The following CDH13 variants were observed in gnomAD, a reference collection of about 807,000 sequenced individuals.
CDH13 encodes cadherin 13.
CDH13 carries 24 observed loss-of-function variants against 63.8 expected under a neutral mutation model. The ratio of observed to expected loss-of-function variants is 0.38; its 90% CI spans 0.27 to 0.53. CDH13 has a LOEUF of 0.53. Among genes scored for constraint, CDH13 ranks in the 20% least tolerant of loss-of-function variants. The pLI, the probability that CDH13 is intolerant of heterozygous loss-of-function variation, is 0.85. For missense variants in CDH13, 1,049 were observed against 903.1 expected (o/e 1.16, Z -2.07); for synonymous variants, 503 against 355.3 (o/e 1.42, Z -4.67).
At chr16:82,969,110 C>A (rs1049218824) in intron 2 of CDH13, among the ~76,000 whole-genome samples, 1 of 151,880 alleles carries the variant, frequency 6.6e-6, no homozygotes, top group East Asian at 1.9e-4. Context: ...CTCTCTCAAA[C>A]GAAAAAGAAA....
intron 5 of CDH13, among the ~76,000 whole-genome samples, chr16:83,294,630 G>A (rs1035262819): frequency 1.4e-5 from 2 of 140,606 alleles, no homozygotes; most frequent in African/African-American, 5.4e-5. Flanking sequence ...ATATATATAT[G>A]TGATATTCAT....
At position 83,797,260 on chromosome 16, in the gene CDH13, AG is replaced by A; in HGVS notation, c.*2231del. On this transcript the variant is annotated 3_prime_UTR_variant, in exon 14 of 14. Transcript: ENST00000567109. ...ATGTAAACTTCAGCCACATGCAGGG[AG>A]AAACACAGCAGCTGAGTGGCCATTC... 1 of 152,396 alleles carries A rather than the reference AG, an allele frequency of 6.6e-6. No homozygotes were observed. Among genetic ancestry groups the A allele is most frequent in the East Asian group, 1.9e-4 (1 of 5,198 alleles). 9.4% of individuals were successfully genotyped at this position (152,396 alleles called of 1,614,324 possible). A position where few individuals can be genotyped will look rare whatever the true frequency, so the allele number is the denominator to read the frequency against.
intron 2 of CDH13, among the ~76,000 whole-genome samples, chr16:82,869,070 G>C (rs549997678): frequency 2.0e-5 from 3 of 152,082 alleles, no homozygotes; most frequent in Non-Finnish European, 4.4e-5. Flanking sequence ...TATTTGAGAT[G>C]GAGTCTCTCC....
chr16:82,819,559 C>T (rs185161013), intron 1 of CDH13, among the ~76,000 whole-genome samples: 1 of 152,116 alleles, frequency 6.6e-6, no homozygotes, highest in South Asian at 2.1e-4. Context: ...TTCCCTACCT[C>T]TAGCCACACT....
intron 1 of CDH13, among the ~76,000 whole-genome samples, chr16:82,803,762 A>G (rs758711439): frequency 4.0e-5 from 6 of 150,318 alleles, no homozygotes; most frequent in African/African-American, 1.3e-4. Context: ...TATATGAGGT[A>G]TCTAAAATAG....
At chr16:82,887,162 C>G (rs183152912) in intron 2 of CDH13, among the ~76,000 whole-genome samples, 2 of 152,062 alleles carry the variant, frequency 1.3e-5, no homozygotes, top group Non-Finnish European at 2.9e-5. Context: ...TTATCTTCAC[C>G]AATGGTCTAG....
At chr16:83,160,279 G>A (rs2037390565) in intron 4 of CDH13, among the ~76,000 whole-genome samples, 1 of 152,004 alleles carries the variant, frequency 6.6e-6, no homozygotes, top group Admixed American at 6.6e-5. Flanking sequence ...GGCTACATGT[G>A]GAGGCAGGAG....
rs568349154 is a variant in CDH13 at position 82,835,907 on chromosome 16, C to G, written c.46-22455C>G. 9.9e-5 allele frequency among the ~76,000 whole-genome samples: 15 copies of G among 152,272 alleles called. No homozygotes were observed. The South Asian group carries it at 1.9e-3, about 19-fold the overall frequency. The stretch of plus-strand genomic sequence containing the variant: ...CACCAGGAAGTCTCTGCTACCAACA[C>G]CCCCAGGAGAAAACAGCTCCAGGCT... On this transcript the variant is annotated intron_variant, in intron 1 of 13. Transcript: ENST00000567109.
chr16:82,748,467 A>G (rs1300222450), intron 1 of CDH13, among the ~76,000 whole-genome samples: 2 of 152,182 alleles, frequency 1.3e-5, no homozygotes, highest in Non-Finnish European at 2.9e-5. Flanking sequence ...CAGCAGAAAG[A>G]AAATTCTTTT....
chr16:83,377,041 G>A lies in CDH13; in HGVS notation c.781+32035G>A, dbSNP rs138371600. Among the ~76,000 whole-genome samples, 145 of 152,230 alleles carry A rather than the reference G, an allele frequency of 9.5e-4. 1 individual carries two copies. In the East Asian group the frequency reaches 0.026, roughly 27 times the overall value. ...AGGAGGAGTGAAGCACTATTCATGG[G>A]AATAAAGGAGCTATATCAGAATTAG... On this transcript the variant is annotated intron_variant, in intron 6 of 13. Transcript: ENST00000567109.
intron 1 of CDH13, among the ~76,000 whole-genome samples, chr16:82,635,397 G>A (rs1331929815): frequency 2.0e-5 from 3 of 152,218 alleles, no homozygotes; most frequent in South Asian, 2.1e-4. Context: ...AGAAGGCACA[G>A]TCTGGGTGAA....
At chr16:83,361,310 T>A (rs1258046441) in intron 6 of CDH13, among the ~76,000 whole-genome samples, 1 of 152,242 alleles carries the variant, frequency 6.6e-6, no homozygotes, top group East Asian at 1.9e-4. Flanking sequence ...TTATTTAAGT[T>A]CCTTATAGAT....
chr16:83,747,113 G>A (rs982890560), intron 10 of CDH13, among the ~76,000 whole-genome samples: 7 of 152,250 alleles, frequency 4.6e-5, no homozygotes, highest in Admixed American at 2.0e-4. Flanking sequence ...TGTCGCATAT[G>A]GGCTAAGCAG....
chr16:83,097,438 A>G (rs1169412844), intron 3 of CDH13, among the ~76,000 whole-genome samples: 2 of 152,212 alleles, frequency 1.3e-5, no homozygotes, highest in African/African-American at 2.4e-5. Context: ...TGGTAAAGTC[A>G]CAGAATCAGT....
At chr16:83,079,092 GC>G (rs1435103255) in intron 3 of CDH13, among the ~76,000 whole-genome samples, 1 of 152,126 alleles carries the variant, frequency 6.6e-6, no homozygotes, top group Non-Finnish European at 1.5e-5. Flanking sequence ...ATTGTGCCCG[GC>G]CCAGGTTTTT....
chr16:83,555,285 C>T (rs2075580422), intron 7 of CDH13, among the ~76,000 whole-genome samples: 1 of 152,048 alleles, frequency 6.6e-6, no homozygotes, highest in Non-Finnish European at 1.5e-5. Flanking sequence ...CCTTGCTGCT[C>T]AAAGTACAGT....
chr16:83,127,177 G>C (rs2035848586), intron 4 of CDH13, among the ~76,000 whole-genome samples: 1 of 152,178 alleles, frequency 6.6e-6, no homozygotes, highest in Admixed American at 6.5e-5. Flanking sequence ...GGTTGCATGA[G>C]AGTAAGCAAG....
intron 7 of CDH13, among the ~76,000 whole-genome samples, chr16:83,502,204 A>C (rs1232418068): frequency 6.6e-6 from 1 of 152,190 alleles, no homozygotes. Flanking sequence ...TAAGTCAAAT[A>C]TATTGAGATT....
intron 7 of CDH13, among the ~76,000 whole-genome samples, chr16:83,492,434 C>T (rs1055652941): frequency 1.3e-5 from 2 of 152,166 alleles, no homozygotes; most frequent in Non-Finnish European, 2.9e-5. Context: ...CAGATAGTAG[C>T]ATCCTCACAA....
Sources: allele counts gnomAD v4.1 joint callset (sites outside exome capture counted in the v4.1 genomes callset), GRCh38; gene constraint gnomAD v4.1.1; transcripts MANE v1.5; gene names NCBI Gene and HGNC (gene_info 2026-07-23, HGNC 2026-07-21).